The following APOOL variants were observed in gnomAD, a reference collection of about 807,000 sequenced individuals.
APOOL encodes the protein MICOS complex subunit MIC27.
APOOL carries 12 observed loss-of-function variants against 23.1 expected under a neutral mutation model. The observed-to-expected ratio is 0.52, with a 90% confidence interval of 0.33 to 0.84. The LOEUF (loss-of-function observed/expected upper bound fraction) is 0.84. Among genes scored for constraint, APOOL ranks in the 40% least tolerant of loss-of-function variants. The probability of loss-of-function intolerance (pLI) is 0.02; values close to 1 mark genes in which losing one functional copy is unlikely to be tolerated. For synonymous variants in APOOL, 77 were observed against 69.9 expected (o/e 1.10, Z -0.51); for missense variants, 212 against 199.6 (o/e 1.06, Z -0.37).
chrX:85,073,024 G>A, intron 6 of APOOL, among the ~76,000 whole-genome samples: 1 of 110,868 alleles, frequency 9.0e-6, no homozygotes, highest in African/African-American at 3.3e-5. Flanking sequence ...TAAAATTTGT[G>A]TATATATAAT....
At chrX:85,016,807 C>T (rs957832073) in intron 1 of APOOL, among the ~76,000 whole-genome samples, 1 of 112,391 alleles carries the variant, frequency 8.9e-6, no homozygotes, top group Non-Finnish European at 1.9e-5. Flanking sequence ...GCAGAAAGAT[C>T]CAGAACTCAA....
intron 1 of APOOL, among the ~76,000 whole-genome samples, chrX:85,025,709 A>G (rs890029558): frequency 8.9e-6 from 1 of 112,747 alleles, no homozygotes; most frequent in African/African-American, 3.2e-5. Flanking sequence ...TTTTGACTCT[A>G]CGTTCCATAT....
chrX:85,079,522 G>A (rs974460440), intron 8 of APOOL, among the ~76,000 whole-genome samples: 1 of 111,272 alleles, frequency 9.0e-6, no homozygotes. Flanking sequence ...TCACATCGAT[G>A]TTCATCAGGA....
chrX:85,047,154 ACT>A (rs1922601925), intron 2 of APOOL, among the ~76,000 whole-genome samples: 1 of 110,996 alleles, frequency 9.0e-6, no homozygotes, highest in African/African-American at 3.3e-5. Flanking sequence ...CATACAGAAA[ACT>A]CTCTTTCAAA....
At position 85,074,346 on chromosome X, in the gene APOOL, A is replaced by G. The variant is rs764595179; in HGVS notation, c.673A>G (p.Thr225Ala). ...HVLKHSVPLP[T>A]ELSSEAKTKS... ...CTTGAAACACTCAGTGCCCTTGCCA[A>G]CAGAACTCAGCTCTGAAGCAAAGAC... The change falls in exon 8 of 9, where the codon ACA becomes GCA. Residue 225 changes from threonine (T) to alanine (A), a missense_variant. Physicochemically the swap from Thr to Ala is moderately conservative, Grantham distance 58. Transcript: ENST00000373173. The G allele has an allele frequency of 8.3e-7, 1 of 1,209,610 alleles. No individual in the cohort carries two copies. Among genetic ancestry groups the G allele is most frequent in the Non-Finnish European group, 1.1e-6 (1 of 894,758 alleles).
chrX:85,043,269 C>A (rs61484886), intron 1 of APOOL, among the ~76,000 whole-genome samples: 2 of 111,183 alleles, frequency 1.8e-5, no homozygotes, highest in Non-Finnish European at 3.8e-5. Context: ...TCTTTCCTCT[C>A]GTGAAAACTC....
rs1293758256 is a variant in APOOL at position 85,088,314 on chromosome X, C to CTTTT, written c.*637_*638insTTTT. On this transcript the variant is annotated 3_prime_UTR_variant, in exon 9 of 9. Coordinates refer to ENST00000373173, the MANE Select transcript of APOOL (RefSeq NM_198450.6). Reference sequence around the variant, plus strand: ...GGTGTATGGAAAGGTGTGTTTCCCTCTGTTTTTTTTTTTTTTTTTTTTTTT... The same window carrying CTTTT: ...GGTGTATGGAAAGGTGTGTTTCCCTCTTTTTGTTTTTTTTTTTTTTTTTTTTTTT... 5 of 11,833 alleles carry CTTTT rather than the reference C, an allele frequency of 4.2e-4. No homozygotes were observed. Among genetic ancestry groups the CTTTT allele is most frequent in the African/African-American group, 1.0e-3 (3 of 2,878 alleles). The allele number at this position is 11,833 out of a possible 1,213,427, so 1.0% of individuals were successfully genotyped here.
At chrX:85,037,553 A>G (rs188253640) in intron 1 of APOOL, among the ~76,000 whole-genome samples, 25 of 111,422 alleles carry the variant, frequency 2.2e-4, no homozygotes, top group African/African-American at 7.8e-4. Context: ...GCAGTGTGAA[A>G]ACAGACTAGT....
intron 1 of APOOL, among the ~76,000 whole-genome samples, chrX:85,033,233 A>T (rs1325620554): frequency 8.9e-6 from 1 of 112,048 alleles, no homozygotes; most frequent in African/African-American, 3.2e-5. Flanking sequence ...TTGTATCCAA[A>T]TACTTTCTGG....
chrX:85,005,271 G>A (rs1921018344), intron 1 of APOOL, among the ~76,000 whole-genome samples: 1 of 110,145 alleles, frequency 9.1e-6, no homozygotes, highest in African/African-American at 3.3e-5. Flanking sequence ...AGTCTCCTGA[G>A]TAGCTGGGAC....
chrX:85,024,012 G>A (rs1314931377), intron 1 of APOOL, among the ~76,000 whole-genome samples: 1 of 111,820 alleles, frequency 8.9e-6, no homozygotes, highest in African/African-American at 3.3e-5. Context: ...CTTACTCGGT[G>A]AAGTCTATTT....
At chrX:85,046,085 G>A (rs1274494662) in intron 1 of APOOL, among the ~76,000 whole-genome samples, 1 of 111,230 alleles carries the variant, frequency 9.0e-6, no homozygotes, top group East Asian at 2.8e-4. Flanking sequence ...GCACATAGTA[G>A]GTGTTCAATT....
intron 1 of APOOL, among the ~76,000 whole-genome samples, chrX:85,036,776 C>T (rs1922231087): frequency 9.0e-6 from 1 of 110,683 alleles, no homozygotes; most frequent in Non-Finnish European, 1.9e-5. Context: ...GTAGTGATTT[C>T]TGAGATTTGG....
In APOOL at chrX:85,059,317, G is replaced by T. The variant is rs1319602985; in HGVS notation, c.394+3392G>T. Among the ~76,000 whole-genome samples, 4 of 109,632 alleles carry T rather than the reference G, an allele frequency of 3.6e-5. No homozygotes were observed. In the East Asian group the frequency reaches 8.6e-4, roughly 24 times the overall value. ...GTTGGTTCCAAGTCTTTGCTATTGT[G>T]AATAGTGCCGCAATAAACATACGTG... On this transcript the variant is annotated intron_variant, in intron 5 of 8. Coordinates refer to ENST00000373173, the MANE Select transcript of APOOL (RefSeq NM_198450.6).
intron 8 of APOOL, among the ~76,000 whole-genome samples, chrX:85,077,264 C>T (rs745507076): frequency 9.4e-6 from 1 of 106,759 alleles, no homozygotes; most frequent in Admixed American, 1.0e-4. Flanking sequence ...TCCTGCCCCC[C>T]ACCCCACAAC....
At chrX:85,034,980 G>A (rs769786872) in intron 1 of APOOL, among the ~76,000 whole-genome samples, 5 of 111,875 alleles carry the variant, frequency 4.5e-5, no homozygotes, top group African/African-American at 1.6e-4. Flanking sequence ...ATACCCAGTA[G>A]TGGGATTGCT....
At chrX:85,014,187 C>T (rs1338213784) in intron 1 of APOOL, among the ~76,000 whole-genome samples, 6 of 111,400 alleles carry the variant, frequency 5.4e-5, no homozygotes, top group African/African-American at 2.0e-4. Flanking sequence ...TCTTTTTCTA[C>T]CCCTTTACCT....
At chrX:85,087,520 C>A in intron 8 of APOOL, 70 bp from the exon 9 acceptor site, 1 of 946,372 alleles carries the variant, frequency 1.1e-6, no homozygotes, top group Non-Finnish European at 1.5e-6. Context: ...TTGTTCGCTG[C>A]TGTCTTCCCA....
intron 2 of APOOL, 62 bp from the exon 3 acceptor site, chrX:85,051,327 T>C (rs923768267): frequency 3.7e-5 from 43 of 1,170,112 alleles, no homozygotes; most frequent in Non-Finnish European, 4.7e-5. Context: ...TGTTCTGCCA[T>C]ACCGCTGTTA....
Sources: gnomAD v4.1 joint callset for allele counts (sites outside exome capture counted in the v4.1 genomes callset) on GRCh38, gnomAD v4.1.1 for gene constraint, MANE v1.5 for transcripts, NCBI Gene and HGNC (gene_info 2026-07-23, HGNC 2026-07-21) for gene names.